The following DENND2A variants were observed in gnomAD, a reference collection of about 807,000 sequenced individuals.
DENND2A encodes the protein DENN domain-containing protein 2A.
A neutral mutation model predicts 105.3 loss-of-function variants in DENND2A; 53 were observed. The observed-to-expected ratio is 0.50, with a 90% CI of 0.40 to 0.63. The LOEUF is 0.63. Among genes scored for constraint, DENND2A ranks in the 30% least tolerant of loss-of-function variants. The pLI, the probability that DENND2A is intolerant of heterozygous loss-of-function variation, is 0.00. For synonymous variants in DENND2A, 522 were observed against 508.4 expected, an observed-to-expected ratio of 1.03 and a Z score of -0.36; for missense variants, 1,138 against 1,279.6, an observed-to-expected ratio of 0.89 and a Z score of 1.69.
intron 3 of DENND2A, among the ~76,000 whole-genome samples, chr7:140,591,057 G>C (rs111912602): frequency 0.036 from 5,486 of 152,184 alleles, 174 homozygotes; most frequent in African/African-American, 0.092. Flanking sequence ...TAGCACTTTG[G>C]GAGGCCGAAG....
chr7:140,536,303 C>G (rs1420601902), intron 14 of DENND2A, among the ~76,000 whole-genome samples: 1 of 151,532 alleles, frequency 6.6e-6, no homozygotes, highest in Middle Eastern at 3.2e-3. Flanking sequence ...TGCAGTGAGC[C>G]GAGATCATGC....
intron 1 of DENND2A, among the ~76,000 whole-genome samples, chr7:140,639,329 G>A (rs181755114): frequency 7.6e-4 from 116 of 151,848 alleles, no homozygotes; most frequent in African/African-American, 2.5e-3. Flanking sequence ...TCCAGCCAGG[G>A]TGACAGAGCA....
Position 140,620,581 on chromosome 7 carries a change from G to T in DENND2A, c.-247-14775C>A, listed in dbSNP as rs191830245. 5.2e-3 allele frequency among the ~76,000 whole-genome samples: 790 copies of T among 152,274 alleles called. 5 individuals carry two copies. Among genetic ancestry groups the T allele is most frequent in the Non-Finnish European group, 6.8e-3 (460 of 68,036 alleles). On this transcript the variant is annotated intron_variant, in intron 1 of 19. Coordinates refer to ENST00000496613, the MANE Select transcript of DENND2A (RefSeq NM_015689.5). ...GCTATTGCAAATACAGCAGGGGAGAGGGGGAATATAAACGCTGCTGTTGTC... is the reference window on the plus strand; with the variant it reads ...GCTATTGCAAATACAGCAGGGGAGATGGGGAATATAAACGCTGCTGTTGTC...
chr7:140,577,161 T>C (rs1473563945), intron 5 of DENND2A, among the ~76,000 whole-genome samples: 2 of 152,164 alleles, frequency 1.3e-5, no homozygotes, highest in Admixed American at 6.5e-5. Context: ...TTTCAGTAGA[T>C]ATTTATTTGA....
intron 1 of DENND2A, among the ~76,000 whole-genome samples, chr7:140,607,569 G>C (rs1799739391): frequency 6.6e-6 from 1 of 152,172 alleles, no homozygotes; most frequent in Non-Finnish European, 1.5e-5. Context: ...CCAGGCCCCA[G>C]GGCTTGCCCA....
At chr7:140,522,222 T>C (rs558294595) in intron 17 of DENND2A, 122 bp from the exon 18 acceptor site, 576 of 1,307,724 alleles carry the variant, frequency 4.4e-4, no homozygotes, top group Admixed American at 8.0e-4. Flanking sequence ...GAAACTGCGA[T>C]TATCCAGGAG....
At chr7:140,541,984 T>C (rs1796679941) in intron 14 of DENND2A, among the ~76,000 whole-genome samples, 1 of 152,154 alleles carries the variant, frequency 6.6e-6, no homozygotes. Flanking sequence ...CTATGCCTTT[T>C]TTTTTCCTTC....
chr7:140,558,129 C>A lies in DENND2A; in HGVS notation c.1959+14G>T, dbSNP rs540725835. The A allele has an allele frequency of 1.9e-6, 3 of 1,611,650 alleles. No individual in the cohort carries two copies. Among genetic ancestry groups the A allele is most frequent in the Non-Finnish European group, 2.5e-6 (3 of 1,178,030 alleles). On this transcript the variant is annotated intron_variant, in intron 11 of 19. Transcript: ENST00000496613. The stretch of plus-strand genomic sequence containing the variant: ...CCACGAGGCTCTTGCAGGCTGAAAG[C>A]AGAATGTACTCACCAGCAGTCTTCG...
intron 1 of DENND2A, among the ~76,000 whole-genome samples, chr7:140,625,080 T>C (rs572832640): frequency 9.9e-5 from 15 of 151,656 alleles, no homozygotes; most frequent in Admixed American, 9.2e-4. Context: ...AGCTACCAGA[T>C]AACATTAGCC....
rs868518074 is a variant in DENND2A, at chr7:140,612,227, C to T, written c.-247-6421G>A. Among the ~76,000 whole-genome samples the T allele has an allele frequency of 2.8e-5, 4 of 145,344 alleles. No homozygotes were observed. In the South Asian group the frequency reaches 6.4e-4, roughly 23 times the overall value. On this transcript the variant is annotated intron_variant, in intron 1 of 19. Transcript: ENST00000496613. ...TCGCACTCCAGCCTGGATGACAGAG[C>T]GAAACTCCGTCTCAAGAAAAAAAAG...
chr7:140,547,050 C>A, intron 12 of DENND2A, 111 bp from the exon 13 acceptor site: 1 of 1,400,166 alleles, frequency 7.1e-7, no homozygotes, highest in Non-Finnish European at 9.6e-7. Flanking sequence ...ATGGGGAAGC[C>A]CTGCTTTCCC....
At chr7:140,590,851 T>A (rs1342084071) in intron 3 of DENND2A, among the ~76,000 whole-genome samples, 1 of 147,636 alleles carries the variant, frequency 6.8e-6, no homozygotes, top group Non-Finnish European at 1.5e-5. Flanking sequence ...CCAGCCTGGG[T>A]GAGAGAGTGA....
chr7:140,632,491 T>A (rs1001036135), intron 1 of DENND2A, among the ~76,000 whole-genome samples: 1 of 152,234 alleles, frequency 6.6e-6, no homozygotes, highest in Non-Finnish European at 1.5e-5. Context: ...TTTACCAGCG[T>A]GGCCACAAGG....
chr7:140,535,569 C>CT (rs562088190), intron 14 of DENND2A, among the ~76,000 whole-genome samples: 1,986 of 143,480 alleles, frequency 0.014, 34 homozygotes, highest in African/African-American at 0.042. Flanking sequence ...CTTCCAGCTT[C>CT]TTTTTTTTTT....
intron 1 of DENND2A, among the ~76,000 whole-genome samples, chr7:140,615,532 C>CTTTTTT (rs57498403): frequency 7.1e-6 from 1 of 140,938 alleles, no homozygotes. Flanking sequence ...AGGAGTTCTG[C>CTTTTTT]TTTTTTTTTT....
At chr7:140,557,635 G>A (rs1307582146) in intron 11 of DENND2A, among the ~76,000 whole-genome samples, 1 of 133,826 alleles carries the variant, frequency 7.5e-6, no homozygotes, top group Admixed American at 8.1e-5. Context: ...CGCCTCCCGG[G>A]TTCACGCCAT....
intron 4 of DENND2A, among the ~76,000 whole-genome samples, chr7:140,586,812 T>C (rs568792887): frequency 5.9e-5 from 9 of 152,328 alleles, no homozygotes; most frequent in African/African-American, 2.2e-4. Flanking sequence ...ATTTCCTCCT[T>C]CTGTAAGTTT....
chr7:140,596,509 T>C (rs1412720857), intron 3 of DENND2A, among the ~76,000 whole-genome samples: 1 of 152,166 alleles, frequency 6.6e-6, no homozygotes, highest in Non-Finnish European at 1.5e-5. Context: ...CAGAGAGCTG[T>C]GGGGATCCGT....
rs1797697145 is a variant in DENND2A, at chr7:140,563,128, C to T, written c.1780-3311G>A. ...AGAATACCAAAGGGAGGAAGAATAC[C>T]AAATGAGTTTCTCCACAAAGGAAAC... On this transcript the variant is annotated intron_variant, in intron 9 of 19. Transcript: ENST00000496613. Among the ~76,000 whole-genome samples the T allele has an allele frequency of 2.0e-5, 3 of 151,840 alleles. No homozygotes were observed. In the South Asian group the frequency reaches 6.2e-4, roughly 31 times the overall value.
Sources: gnomAD v4.1 joint callset for allele counts (sites outside exome capture counted in the v4.1 genomes callset) on GRCh38, gnomAD v4.1.1 for gene constraint, MANE v1.5 for transcripts, NCBI Gene and HGNC (gene_info 2026-07-23, HGNC 2026-07-21) for gene names.